Variants in RNF24 observed in about 807,000 individuals in gnomAD.
RNF24 encodes ring finger protein 24.
A neutral mutation model predicts 20.0 loss-of-function variants in RNF24; 14 were observed. The observed-to-expected ratio is 0.70, with a 90% confidence interval of 0.46 to 1.10. RNF24 has a LOEUF of 1.10. RNF24 is among the 50% of genes least tolerant of loss of function. The pLI, the probability that RNF24 is intolerant of heterozygous loss-of-function variation, is 0.00. For missense variants in RNF24, 124 were observed against 177.6 expected, an observed-to-expected ratio of 0.70 and a Z score of 1.71; for synonymous variants, 45 against 61.1, an observed-to-expected ratio of 0.74 and a Z score of 1.23.
At position 3,931,358 on chromosome 20, in the gene RNF24, AAG is replaced by A. The variant is rs1349564690; in HGVS notation, c.*2703_*2704del. The A allele has an allele frequency of 1.3e-5, 2 of 152,252 alleles. No homozygotes were observed. Among genetic ancestry groups the A allele is most frequent in the African/African-American group, 4.8e-5 (2 of 41,470 alleles). 9.4% of individuals were successfully genotyped at this position (152,252 alleles called of 1,614,324 possible). A position where few individuals can be genotyped will look rare whatever the true frequency, so the allele number is the denominator to read the frequency against. On this transcript the variant is annotated 3_prime_UTR_variant, in exon 6 of 6. Coordinates refer to ENST00000358395, the MANE Select transcript of RNF24 (RefSeq NM_001134337.3). ...TTACCATGGGGTTCGAGTCTGAGCC[AAG>A]AGAGTTATAAAGGGGTCCCTAACTC...
intron 2 of RNF24, among the ~76,000 whole-genome samples, chr20:3,951,840 C>T (rs758455093): frequency 6.6e-6 from 1 of 152,152 alleles, no homozygotes; most frequent in Non-Finnish European, 1.5e-5. Flanking sequence ...TTTCAACAAG[C>T]CCCCATCCTT....
chr20:3,992,939 T>C (rs1980572049), intron 1 of RNF24, among the ~76,000 whole-genome samples: 1 of 152,204 alleles, frequency 6.6e-6, no homozygotes, highest in Non-Finnish European at 1.5e-5. Flanking sequence ...ATAATAAAAA[T>C]GTTATAAGCA....
chr20:3,963,224 G>A (rs2091221967), intron 2 of RNF24, among the ~76,000 whole-genome samples: 1 of 151,370 alleles, frequency 6.6e-6, no homozygotes, highest in African/African-American at 2.4e-5. Flanking sequence ...ACAGAGTCTC[G>A]CTCTGTTGCC....
intron 1 of RNF24, among the ~76,000 whole-genome samples, chr20:3,965,345 A>G (rs1481256108): frequency 1.3e-5 from 2 of 152,198 alleles, no homozygotes; most frequent in Non-Finnish European, 2.9e-5. Context: ...TGTTGACACC[A>G]CTGAGATGCT....
intron 2 of RNF24, among the ~76,000 whole-genome samples, chr20:3,958,564 C>T (rs1049293568): frequency 1.3e-5 from 2 of 152,234 alleles, no homozygotes; most frequent in Admixed American, 1.3e-4. Flanking sequence ...TTGTTATCCT[C>T]TTTGTTGGCA....
intron 1 of RNF24, among the ~76,000 whole-genome samples, chr20:3,991,451 A>C (rs1346058673): frequency 6.6e-6 from 1 of 151,788 alleles, no homozygotes; most frequent in Non-Finnish European, 1.5e-5. Context: ...ATAGGATTTC[A>C]CCGTGTTAGC....
chr20:4,001,974 C>T lies in RNF24; in HGVS notation c.-8+13463G>A, dbSNP rs752602029. Among the ~76,000 whole-genome samples, 3 of 151,444 alleles carry T rather than the reference C, an allele frequency of 2.0e-5. No individual in the cohort carries two copies. The South Asian group carries it at 6.2e-4, about 32-fold the overall frequency. ...AAAAACAAACAAAAAAAAACAGGGC[C>T]GGGCGCGGTGGCTGACACCCATAAT... is the stretch of plus-strand genomic sequence containing the variant. On this transcript the variant is annotated intron_variant, in intron 1 of 5. Coordinates refer to ENST00000358395, the MANE Select transcript of RNF24 (RefSeq NM_001134337.3).
chr20:3,999,181 C>T (rs1041520049), intron 1 of RNF24, among the ~76,000 whole-genome samples: 44 of 152,164 alleles, frequency 2.9e-4, no homozygotes, highest in Non-Finnish European at 2.9e-5. Context: ...AAATTAGTTA[C>T]AAGAGAACAG....
intron 4 of RNF24, among the ~76,000 whole-genome samples, chr20:3,943,895 T>C (rs1317218277): frequency 1.3e-5 from 2 of 152,156 alleles, no homozygotes; most frequent in African/African-American, 4.8e-5. Context: ...TGTGTCAAAA[T>C]TAACTTCTAG....
Position 3,930,340 on chromosome 20 carries a change from A to G in RNF24, c.*3723T>C, listed in dbSNP as rs1351726249. On this transcript the variant is annotated 3_prime_UTR_variant, in exon 6 of 6. Transcript: ENST00000358395. Reference sequence around the variant, plus strand: ...CAGGGAAAGCCCCTACAGCTCAGGAAGCTTTTTGGCTGAGGTTCTGTTCCT... The same window carrying G: ...CAGGGAAAGCCCCTACAGCTCAGGAGGCTTTTTGGCTGAGGTTCTGTTCCT... 2.0e-5 allele frequency: 3 copies of G among 152,194 alleles called. No individual in the cohort carries two copies. Among genetic ancestry groups the G allele is most frequent in the Non-Finnish European group, 2.9e-5 (2 of 68,050 alleles). 9.4% of individuals were successfully genotyped at this position (152,194 alleles called of 1,614,324 possible). A position where few individuals can be genotyped will look rare whatever the true frequency, so the allele number is the denominator to read the frequency against.
At chr20:3,962,318 C>T (rs1424290251) in intron 2 of RNF24, among the ~76,000 whole-genome samples, 5 of 152,110 alleles carry the variant, frequency 3.3e-5, no homozygotes, top group Non-Finnish European at 7.4e-5. Context: ...TGTGCCACTG[C>T]ACTCCAACCT....
chr20:3,975,718 T>G lies in RNF24; in HGVS notation c.-7-11694A>C, dbSNP rs117976523. ...CTAGAGTAATCCAATATGACTGGTG[T>G]CTTTATAAGAGGAAAAGAGACACAC... is the stretch of plus-strand genomic sequence containing the variant. On this transcript the variant is annotated intron_variant, in intron 1 of 5. Transcript: ENST00000358395. Among the ~76,000 whole-genome samples, 409 of 152,250 alleles carry G rather than the reference T, an allele frequency of 2.7e-3. 1 individual carries two copies. Among genetic ancestry groups the G allele is most frequent in the Non-Finnish European group, 4.8e-3 (328 of 68,018 alleles).
intron 1 of RNF24, among the ~76,000 whole-genome samples, chr20:3,972,904 G>T (rs1978489161): frequency 6.9e-6 from 1 of 144,530 alleles, no homozygotes; most frequent in Non-Finnish European, 1.5e-5. Flanking sequence ...CTCCGTCTCA[G>T]TTTAAAAAAA....
intron 3 of RNF24, among the ~76,000 whole-genome samples, chr20:3,947,927 T>A (rs2146961147): frequency 6.6e-6 from 1 of 151,880 alleles, no homozygotes; most frequent in East Asian, 1.9e-4. Context: ...ATGCCTGTAA[T>A]CCCAGCTACT....
intron 4 of RNF24, among the ~76,000 whole-genome samples, chr20:3,942,343 T>G (rs1253048379): frequency 6.7e-6 from 1 of 148,860 alleles, no homozygotes; most frequent in Admixed American, 6.7e-5. Flanking sequence ...TAATTTTTTT[T>G]TTTTTTGCAG....
intron 2 of RNF24, among the ~76,000 whole-genome samples, chr20:3,961,531 A>C (rs17287269): frequency 0.44 from 67,172 of 152,064 alleles, 15,022 homozygotes; most frequent in Non-Finnish European, 0.47. Context: ...TACTTTTCAA[A>C]AACTTTGCCC....
intron 4 of RNF24, 94 bp from the exon 5 acceptor site, chr20:3,935,167 A>G (rs930107352): frequency 9.5e-6 from 9 of 943,878 alleles, no homozygotes; most frequent in African/African-American, 1.6e-5. Context: ...CAACCGTTTG[A>G]AGGGACTCAT....
rs1020860499 is a variant in RNF24 at position 3,971,902 on chromosome 20, C to G, written c.-7-7878G>C. The stretch of plus-strand genomic sequence containing the variant: ...AAAACATCACCCAATAATATGCTGT[C>G]TACCTGAAACTCACTTTAAAAATAA... On this transcript the variant is annotated intron_variant, in intron 1 of 5. Coordinates refer to ENST00000358395, the MANE Select transcript of RNF24 (RefSeq NM_001134337.3). Among the ~76,000 whole-genome samples, 6 of 152,122 alleles carry G rather than the reference C, an allele frequency of 3.9e-5. No homozygotes were observed. In the East Asian group the frequency reaches 1.2e-3, roughly 29 times the overall value.
chr20:3,989,371 G>T (rs1452000261), intron 1 of RNF24, among the ~76,000 whole-genome samples: 1 of 151,884 alleles, frequency 6.6e-6, no homozygotes, highest in East Asian at 1.9e-4. Flanking sequence ...GGCGCCTGTA[G>T]TCCCAGGTAC....
Sources: gnomAD v4.1 joint callset for allele counts (sites outside exome capture counted in the v4.1 genomes callset) on GRCh38, gnomAD v4.1.1 for gene constraint, MANE v1.5 for transcripts, NCBI Gene and HGNC (gene_info 2026-07-23, HGNC 2026-07-21) for gene names.